Variants in TPST1 observed in about 807,000 individuals in gnomAD.
TPST1 encodes the protein tyrosylprotein sulfotransferase 1.
TPST1 carries 20 observed loss-of-function variants against 34.8 expected under a neutral mutation model. That is an observed-to-expected ratio of 0.57 (90% CI 0.40 to 0.84). The LOEUF is 0.84. TPST1 is among the 40% of genes least tolerant of loss of function. The pLI is 0.00. For synonymous variants in TPST1, 152 were observed against 159.4 expected (o/e 0.95, Z 0.35); for missense variants, 353 against 455.5 (o/e 0.78, Z 2.05).
At chr7:66,272,361 G>A (rs190729772) in intron 2 of TPST1, among the ~76,000 whole-genome samples, 1 of 152,170 alleles carries the variant, frequency 6.6e-6, no homozygotes, top group East Asian at 1.9e-4. Flanking sequence ...CAGAATGAAG[G>A]ACAAAAATCG....
intron 3 of TPST1, among the ~76,000 whole-genome samples, chr7:66,330,126 G>C (rs1362392438): frequency 1.3e-5 from 2 of 152,150 alleles, no homozygotes; most frequent in African/African-American, 4.8e-5. Context: ...AATCAACCCA[G>C]ATGGCCATTT....
intron 3 of TPST1, among the ~76,000 whole-genome samples, chr7:66,296,245 C>CTTT (rs67670930): frequency 1.9e-5 from 2 of 105,970 alleles, no homozygotes; most frequent in Admixed American, 1.0e-4. Context: ...AACACCCACC[C>CTTT]TTCCCCCCCC....
upstream of TPST1, among the ~76,000 whole-genome samples, chr7:66,203,972 T>C (rs1584127425): frequency 1.3e-5 from 2 of 150,358 alleles, no homozygotes; most frequent in South Asian, 2.1e-4. Flanking sequence ...AGGCCAGGAG[T>C]TCAAGATCAG....
chr7:66,239,050 C>T (rs1789971102), intron 1 of TPST1, among the ~76,000 whole-genome samples: 1 of 152,244 alleles, frequency 6.6e-6, no homozygotes, highest in Non-Finnish European at 1.5e-5. Context: ...GCAGCCTATA[C>T]ACTAGCTTTC....
At chr7:66,263,434 C>G (rs185900208) in intron 2 of TPST1, among the ~76,000 whole-genome samples, 1 of 152,142 alleles carries the variant, frequency 6.6e-6, no homozygotes, top group Non-Finnish European at 1.5e-5. Flanking sequence ...ATACTAGTCT[C>G]TGTAACACAT....
At chr7:66,306,732 G>C (rs1240922068) in intron 3 of TPST1, among the ~76,000 whole-genome samples, 3 of 152,120 alleles carry the variant, frequency 2.0e-5, no homozygotes, top group African/African-American at 7.2e-5. Context: ...TGTGTTTTGA[G>C]ATGGAGTTTC....
chr7:66,344,086 A>G (rs1314187363), intron 3 of TPST1, among the ~76,000 whole-genome samples: 1 of 152,212 alleles, frequency 6.6e-6, no homozygotes, highest in African/African-American at 2.4e-5. Flanking sequence ...CTTAAACTGC[A>G]AAGAGAAAAA....
chr7:66,341,173 C>T (rs1034528200), intron 3 of TPST1, among the ~76,000 whole-genome samples: 9 of 152,230 alleles, frequency 5.9e-5, no homozygotes, highest in Non-Finnish European at 1.0e-4. Flanking sequence ...AAGTTGGAGA[C>T]ATCTCACTGC....
intron 2 of TPST1, among the ~76,000 whole-genome samples, chr7:66,243,010 TG>T (rs1352362419): frequency 6.6e-6 from 1 of 152,188 alleles, no homozygotes; most frequent in Non-Finnish European, 1.5e-5. Flanking sequence ...CCAAGATTTT[TG>T]CATTTGGGGT....
chr7:66,318,852 G>A (rs1290531817), intron 3 of TPST1, among the ~76,000 whole-genome samples: 1 of 152,186 alleles, frequency 6.6e-6, no homozygotes, highest in South Asian at 2.1e-4. Context: ...TTCTTGAAAT[G>A]TTGTTTTGTT....
rs1231473997 is a variant in TPST1, at chr7:66,244,175, G to C, written c.845+2905G>C. Reference sequence around the variant, plus strand: ...TCGCCATGTTAGCCAGGATGGTCTCGATCTCCTGACCTCGTGATCTGCCTG... The same window carrying C: ...TCGCCATGTTAGCCAGGATGGTCTCCATCTCCTGACCTCGTGATCTGCCTG... On this transcript the variant is annotated intron_variant, in intron 2 of 5. Coordinates refer to ENST00000304842, the MANE Select transcript of TPST1 (RefSeq NM_003596.4). Among the ~76,000 whole-genome samples the C allele has an allele frequency of 3.3e-5, 5 of 151,876 alleles. No individual in the cohort carries two copies. The East Asian group carries it at 7.8e-4, about 24-fold the overall frequency.
intron 2 of TPST1, among the ~76,000 whole-genome samples, chr7:66,252,231 G>T (rs1027596333): frequency 2.0e-5 from 3 of 151,474 alleles, no homozygotes; most frequent in Non-Finnish European, 4.4e-5. Context: ...CTATTTTTTT[G>T]TATTTTTTAG....
rs539056406 is a variant in TPST1, at chr7:66,353,511, C to T, written c.1095+956C>T. ...AGCAGATTCAGAGTTTTCCCTGTAA[C>T]GTCTTCTCTCACTGACTTGCATTCC... On this transcript the variant is annotated intron_variant, in intron 4 of 5. Transcript: ENST00000304842. Among the ~76,000 whole-genome samples the T allele has an allele frequency of 5.3e-5, 8 of 152,258 alleles. No homozygotes were observed. The East Asian group carries it at 1.2e-3, about 22-fold the overall frequency.
intron 3 of TPST1, among the ~76,000 whole-genome samples, chr7:66,348,918 A>T (rs1383305587): frequency 2.6e-5 from 4 of 151,584 alleles, no homozygotes; most frequent in African/African-American, 9.7e-5. Context: ...TTACAGTAAC[A>T]TCGCATACCT....
At chr7:66,259,066 G>A (rs1790434805) in intron 2 of TPST1, among the ~76,000 whole-genome samples, 1 of 152,060 alleles carries the variant, frequency 6.6e-6, no homozygotes, top group African/African-American at 2.4e-5. Flanking sequence ...TAATTGTCAG[G>A]CCTTTGTTAT....
intron 1 of TPST1, among the ~76,000 whole-genome samples, chr7:66,207,835 C>T (rs1215163043): frequency 6.6e-6 from 1 of 152,182 alleles, no homozygotes; most frequent in Non-Finnish European, 1.5e-5. Context: ...CCTTTAAGCA[C>T]ATATACAAAC....
rs568908230 is a variant in TPST1 at position 66,207,770 on chromosome 7, T to C, written c.-102+2248T>C. Among the ~76,000 whole-genome samples the C allele has an allele frequency of 1.5e-4, 23 of 152,332 alleles. 2 individuals are homozygous for C. The South Asian group carries it at 4.6e-3, about 30-fold the overall frequency. The stretch of plus-strand genomic sequence containing the variant: ...CTACTGCATAGCTGTATGTGGATGC[T>C]TGATTACTTCAAATGTGGTTACCTT... On this transcript the variant is annotated intron_variant, in intron 1 of 5. Transcript: ENST00000304842.
At chr7:66,253,516 C>A (rs143044897) in intron 2 of TPST1, among the ~76,000 whole-genome samples, 4,939 of 151,684 alleles carry the variant, frequency 0.033, 111 homozygotes, top group Non-Finnish European at 0.05. Context: ...GGACTACAGG[C>A]GTGTGCCACC....
chr7:66,349,431 G>T (rs949721936), intron 3 of TPST1, among the ~76,000 whole-genome samples: 1 of 152,162 alleles, frequency 6.6e-6, no homozygotes. Context: ...AAGTAGCCAG[G>T]CGTGGTGGTG....
Sources: allele counts gnomAD v4.1 joint callset (sites outside exome capture counted in the v4.1 genomes callset), GRCh38; gene constraint gnomAD v4.1.1; transcripts MANE v1.5; gene names NCBI Gene and HGNC (gene_info 2026-07-23, HGNC 2026-07-21).